The following ADGRE1 variants were observed in gnomAD, a reference collection of about 807,000 sequenced individuals.
ADGRE1 encodes EGF-like module receptor 1.
ADGRE1 carries 82 observed loss-of-function variants against 102.7 expected under a neutral mutation model. That is an observed-to-expected ratio of 0.80 (90% CI 0.67 to 0.96). The LOEUF (loss-of-function observed/expected upper bound fraction) is 0.96. ADGRE1 is among the 40% of genes least tolerant of loss of function. The pLI is 0.00. For synonymous variants in ADGRE1, 398 were observed against 399.6 expected, an observed-to-expected ratio of 1.00 and a Z score of 0.05; for missense variants, 1,032 against 1,085.3, an observed-to-expected ratio of 0.95 and a Z score of 0.69.
intron 5 of ADGRE1, among the ~76,000 whole-genome samples, chr19:6,901,397 A>T (rs1204470352): frequency 1.3e-5 from 2 of 152,208 alleles, no homozygotes; most frequent in Non-Finnish European, 2.9e-5. Context: ...AACAGAAGCC[A>T]ACAGGTCTCT....
At chr19:6,922,609 G>GTC (rs200819439) in intron 14 of ADGRE1, among the ~76,000 whole-genome samples, 98 of 91,148 alleles carry the variant, frequency 1.1e-3, no homozygotes, top group African/African-American at 3.6e-3. Flanking sequence ...GTGAGACTCT[G>GTC]TCTCACACAC....
intron 10 of ADGRE1, among the ~76,000 whole-genome samples, chr19:6,912,251 C>T (rs1045439046): frequency 1.3e-5 from 2 of 152,104 alleles, no homozygotes; most frequent in Non-Finnish European, 2.9e-5. Context: ...CACACACATG[C>T]ACACACAGTG....
intron 20 of ADGRE1, among the ~76,000 whole-genome samples, chr19:6,939,004 C>G (rs1975561896): frequency 1.3e-5 from 2 of 151,958 alleles, no homozygotes; most frequent in Admixed American, 6.6e-5. Flanking sequence ...TGATGTTGGC[C>G]AGGTTGGTCT....
intron 2 of ADGRE1, among the ~76,000 whole-genome samples, chr19:6,893,258 C>T (rs1007883580): frequency 6.6e-6 from 1 of 152,018 alleles, no homozygotes; most frequent in Non-Finnish European, 1.5e-5. Context: ...AGTGCAATGG[C>T]GCAATCTTGG....
At chr19:6,934,394 G>A (rs993400677) in intron 17 of ADGRE1, among the ~76,000 whole-genome samples, 16 of 150,804 alleles carry the variant, frequency 1.1e-4, no homozygotes, top group Admixed American at 2.0e-4. Context: ...GCTATAAATC[G>A]TGGGTCAGAA....
intron 1 of ADGRE1, among the ~76,000 whole-genome samples, chr19:6,887,930 A>G (rs538471743): frequency 6.6e-6 from 1 of 152,252 alleles, no homozygotes; most frequent in East Asian, 1.9e-4. Context: ...AAGTTCCTGC[A>G]CTCTTGAGGC....
intron 9 of ADGRE1, among the ~76,000 whole-genome samples, chr19:6,908,372 C>T (rs1430849281): frequency 2.6e-5 from 4 of 152,250 alleles, no homozygotes; most frequent in African/African-American, 9.6e-5. Flanking sequence ...CTTCACACCT[C>T]TATATTCCTG....
chr19:6,917,457 C>T (rs1476073604), intron 12 of ADGRE1, among the ~76,000 whole-genome samples: 3 of 151,506 alleles, frequency 2.0e-5, no homozygotes, highest in African/African-American at 4.8e-5. Flanking sequence ...AATTGAGGGT[C>T]GCTGGGCGTG....
In ADGRE1 at chr19:6,924,802, T is replaced by C. The variant is rs1415153473; in HGVS notation, c.1916T>C (p.Leu639Pro). Residue 639 changes from leucine (L) to proline (P), a missense_variant, in exon 15 of 21, where the codon CTG becomes CCG. Transcript: ENST00000312053. ...SIRNHNTYLH[L>P]HLCVCLLLAK... is the part of the protein sequence containing the mutation. ...CGAAATCACAACACCTACCTCCACC[T>C]GCACCTCTGCGTGTGTCTCCTCTTG... The C allele has an allele frequency of 1.9e-6, 3 of 1,614,182 alleles. No homozygotes were observed. The highest frequency in any genetic ancestry group is 3.3e-5 in the Admixed American group (2 of 60,010).
chr19:6,915,509 G>A lies in ADGRE1; in HGVS notation c.1301-740G>A, dbSNP rs551454131. 3.3e-5 allele frequency among the ~76,000 whole-genome samples: 5 copies of A among 152,208 alleles called. No homozygotes were observed. In the East Asian group the frequency reaches 9.7e-4, roughly 29 times the overall value. ...GAGGTTAAGTCAATGCGCAAATTTA[G>A]GCAGCTAGTGCGTGGCAGAGCTGGA... On this transcript the variant is annotated intron_variant, in intron 11 of 20. Coordinates refer to ENST00000312053, the MANE Select transcript of ADGRE1 (RefSeq NM_001974.5).
chr19:6,911,389 T>TTTTTTTA (rs1474639965), intron 10 of ADGRE1, among the ~76,000 whole-genome samples: 1 of 143,292 alleles, frequency 7.0e-6, no homozygotes, highest in Non-Finnish European at 1.5e-5. Context: ...CTTTTAGTTT[T>TTTTTTTA]TTTTTTTTTT....
Position 6,887,629 on chromosome 19 carries a change from C to A in ADGRE1, c.21C>A (p.Leu7=). The part of the protein sequence containing the change: MRGFNL[L]LFWGCCVMHS... ...GCATAATGCGTGGCTTCAACCTGCTCCTCTTCTGGGGTGAGTGTGAGGCTG... is the reference window on the plus strand; with the variant it reads ...GCATAATGCGTGGCTTCAACCTGCTACTCTTCTGGGGTGAGTGTGAGGCTG... Residue 7 remains leucine, a synonymous_variant, in exon 1 of 21, where the codon CTC becomes CTA. Coordinates refer to ENST00000312053, the MANE Select transcript of ADGRE1 (RefSeq NM_001974.5). The A allele has an allele frequency of 6.2e-7, 1 of 1,612,504 alleles. No individual in the cohort carries two copies. Among genetic ancestry groups the A allele is most frequent in the Non-Finnish European group, 8.5e-7 (1 of 1,179,452 alleles).
At chr19:6,938,750 A>G (rs1225682302) in intron 20 of ADGRE1, among the ~76,000 whole-genome samples, 1 of 151,006 alleles carries the variant, frequency 6.6e-6, no homozygotes. Context: ...CCAGTGAGGT[A>G]GGTATCACTG....
intron 12 of ADGRE1, among the ~76,000 whole-genome samples, chr19:6,918,752 T>C (rs1032225077): frequency 2.0e-5 from 3 of 151,646 alleles, no homozygotes; most frequent in Admixed American, 6.6e-5. Flanking sequence ...TGTTTTGTTT[T>C]CTTTTTTTGT....
At chr19:6,907,996 A>G (rs112923879) in intron 9 of ADGRE1, among the ~76,000 whole-genome samples, 5 of 152,364 alleles carry the variant, frequency 3.3e-5, no homozygotes, top group African/African-American at 9.6e-5. Flanking sequence ...GCCATAAACA[A>G]AATCTCTGCA....
intron 2 of ADGRE1, among the ~76,000 whole-genome samples, chr19:6,893,935 T>G (rs1257419822): frequency 6.6e-6 from 1 of 152,194 alleles, no homozygotes; most frequent in East Asian, 1.9e-4. Context: ...GGGTCAACCA[T>G]GTTTCTTGGC....
chr19:6,897,435 T>A lies in ADGRE1; in HGVS notation c.402T>A (p.Asn134Lys), dbSNP rs1973602168. 1 of 1,594,450 alleles carries A rather than the reference T, an allele frequency of 6.3e-7. No homozygotes were observed. The highest frequency in any genetic ancestry group is 2.2e-5 in the East Asian group (1 of 44,652). Residue 134 changes from asparagine to lysine, a missense_variant, in exon 5 of 21, where the codon AAT (asparagine) becomes AAA (lysine). Coordinates refer to ENST00000312053, the MANE Select transcript of ADGRE1 (RefSeq NM_001974.5). ...KPGNFSCTDI[N>K]ECLTSSVCPE... is the part of the protein sequence containing the mutation. ...TCTTCCACTGCTTCTCAGATATCAATGAGTGCCTCACCAGCAGCGTCTGCC... is the reference window on the plus strand; with the variant it reads ...TCTTCCACTGCTTCTCAGATATCAAAGAGTGCCTCACCAGCAGCGTCTGCC...
At chr19:6,908,490 T>A (rs897211563) in intron 9 of ADGRE1, among the ~76,000 whole-genome samples, 199 bp from the exon 10 acceptor site, 18 of 152,174 alleles carry the variant, frequency 1.2e-4, no homozygotes, top group Admixed American at 2.6e-4. Context: ...TTGCTTTTTT[T>A]ATTCATGGAA....
intron 1 of ADGRE1, 100 bp from the exon 2 acceptor site, chr19:6,890,381 G>C (rs1211099524): frequency 8.6e-7 from 1 of 1,169,258 alleles, no homozygotes; most frequent in Non-Finnish European, 1.2e-6. Flanking sequence ...TATTTCTGTG[G>C]GGCCAAGCCA....
Sources: gnomAD v4.1 joint callset for allele counts (sites outside exome capture counted in the v4.1 genomes callset) on GRCh38, gnomAD v4.1.1 for gene constraint, MANE v1.5 for transcripts, NCBI Gene and HGNC (gene_info 2026-07-23, HGNC 2026-07-21) for gene names.